FAM193B: variants seen among roughly 807,000 people sequenced by gnomAD.
FAM193B encodes protein FAM193B.
FAM193B carries 27 observed loss-of-function variants against 70.7 expected under a neutral mutation model. That is an observed-to-expected ratio of 0.38 (90% CI 0.28 to 0.53). FAM193B has a LOEUF of 0.53. FAM193B is among the 20% of genes least tolerant of loss of function. The pLI, the probability that FAM193B is intolerant of heterozygous loss-of-function variation, is 0.81. For missense variants in FAM193B, 1,022 were observed against 1,072.5 expected (o/e 0.95, Z 0.66); for synonymous variants, 448 against 436.0 (o/e 1.03, Z -0.34).
intron 8 of FAM193B, among the ~76,000 whole-genome samples, chr5:177,520,773 G>T (rs1161367637): frequency 1.3e-5 from 2 of 152,186 alleles, no homozygotes; most frequent in Non-Finnish European, 2.9e-5. Flanking sequence ...GAAGAGGCAG[G>T]AGGCCACCTT....
Position 177,538,613 on chromosome 5 carries a change from A to G in FAM193B, c.453+292T>C, listed in dbSNP as rs1244890386. On this transcript the variant is annotated intron_variant, in intron 2 of 8. Coordinates refer to ENST00000514747, the MANE Select transcript of FAM193B (RefSeq NM_001190946.3). The surrounding 1 kb of genome is among the most constrained non-coding windows in gnomAD (Gnocchi z 4.1). The stretch of plus-strand genomic sequence containing the variant: ...TCCCATGTCATACTGGTTGGCTTTC[A>G]AGCTGCCACAGAGCCGAAGGCAGCA... Among the ~76,000 whole-genome samples, 12 of 152,212 alleles carry G rather than the reference A, an allele frequency of 7.9e-5. No homozygotes were observed. In the East Asian group the frequency reaches 1.3e-3, roughly 17 times the overall value.
At chr5:177,525,286 C>A in intron 5 of FAM193B, 81 bp from the exon 6 acceptor site, 1 of 1,295,482 alleles carries the variant, frequency 7.7e-7, no homozygotes, top group South Asian at 2.2e-5. Context: ...AGCCTGGGGC[C>A]CAGCTTTGCC....
Position 177,538,241 on chromosome 5 carries a change from A to C in FAM193B, c.454-134T>G. 1.1e-6 allele frequency: 1 copy of C among 873,464 alleles called. No homozygotes were observed. Among genetic ancestry groups the C allele is most frequent in the East Asian group, 2.8e-5 (1 of 36,182 alleles). The allele number at this position is 873,464 out of a possible 1,614,324, so 54.1% of individuals were successfully genotyped here. A position where few individuals can be genotyped will look rare whatever the true frequency, so the allele number is the denominator to read the frequency against. ...CCATAGCAAAAACACAATTAATACA[A>C]CTCCAGCTATAAGAACAAATGAGGG... On this transcript the variant is annotated intron_variant, in intron 2 of 8. Transcript: ENST00000514747. The surrounding 1 kb of genome is among the most constrained non-coding windows in gnomAD (Gnocchi z 4.1).
In FAM193B at chr5:177,539,879, T is replaced by C. The variant is rs549107312; in HGVS notation, c.211-732A>G. 2.0e-5 allele frequency among the ~76,000 whole-genome samples: 3 copies of C among 152,322 alleles called. No homozygotes were observed. The South Asian group carries it at 6.2e-4, about 32-fold the overall frequency. Reference sequence around the variant, plus strand: ...ACTTCTCTGGGCTCCAATTCCTACCTACCTTGCAGAGTTGTTGTAAGGATC... The same window carrying C: ...ACTTCTCTGGGCTCCAATTCCTACCCACCTTGCAGAGTTGTTGTAAGGATC... On this transcript the variant is annotated intron_variant, in intron 1 of 8. Transcript: ENST00000514747.
intron 1 of FAM193B, among the ~76,000 whole-genome samples, chr5:177,552,722 T>C (rs575281463): frequency 6.6e-6 from 1 of 152,324 alleles, no homozygotes; most frequent in South Asian, 2.1e-4. Context: ...GGGAGTCTCC[T>C]ACGGAAGTGT....
At chr5:177,550,228 T>C (rs922141285) in intron 1 of FAM193B, among the ~76,000 whole-genome samples, 2 of 152,070 alleles carry the variant, frequency 1.3e-5, no homozygotes, top group African/African-American at 4.8e-5. Flanking sequence ...ATATAGTGAG[T>C]CTCTACTGGC....
chr5:177,534,068 C>A (rs1019407239), intron 4 of FAM193B, among the ~76,000 whole-genome samples: 1 of 152,212 alleles, frequency 6.6e-6, no homozygotes, highest in African/African-American at 2.4e-5. Flanking sequence ...CAACGCTGGG[C>A]TGAGGCTGAG....
intron 1 of FAM193B, among the ~76,000 whole-genome samples, chr5:177,551,377 G>T (rs1432058233): frequency 3.3e-5 from 5 of 152,140 alleles, no homozygotes; most frequent in African/African-American, 1.2e-4. Flanking sequence ...GATCAATGTG[G>T]TTTAGTGGCC....
At chr5:177,527,630 T>C (rs1449926023) in intron 5 of FAM193B, among the ~76,000 whole-genome samples, 1 of 152,272 alleles carries the variant, frequency 6.6e-6, no homozygotes, top group Non-Finnish European at 1.5e-5. Flanking sequence ...ACTTAGGTTC[T>C]GTTATTCTCA....
Position 177,536,500 on chromosome 5 carries a change from G to A in FAM193B, c.934C>T (p.Leu312=), listed in dbSNP as rs1764186825. The change falls in exon 4 of 9, where the codon CTA becomes TTA. Residue 312 remains leucine, a synonymous_variant. Coordinates refer to ENST00000514747, the MANE Select transcript of FAM193B (RefSeq NM_001190946.3). ...HTPGPCQSSH[L]PSTSMPLLKM... ...AGGAGCGGCATGCTGGTGGAGGGTA[G>A]ATGGGAGCTCTGACATGGCCCTGGA... is the stretch of plus-strand genomic sequence containing the variant. The A allele has an allele frequency of 1.3e-6, 2 of 1,569,088 alleles. No homozygotes were observed. Among genetic ancestry groups the A allele is most frequent in the South Asian group, 2.4e-5 (2 of 84,936 alleles).
chr5:177,553,484 T>G, intron 1 of FAM193B: 2 of 1,108,716 alleles, frequency 1.8e-6, no homozygotes, highest in Non-Finnish European at 2.2e-6. Context: ...CTCAGTGAAC[T>G]TTGGCAGGGT....
chr5:177,554,489 A>ACGCCGCG lies in FAM193B; in HGVS notation c.-32_-31insCGCGGCG. Reference sequence around the variant, plus strand: ...CGCTCGCGCCGCTCCCTCGCTCCACACGCCGCCGCCGCCGCCGCCGCCGCC... The same window carrying ACGCCGCG: ...CGCTCGCGCCGCTCCCTCGCTCCACACGCCGCGCGCCGCCGCCGCCGCCGCCGCCGCC... On this transcript the variant is annotated 5_prime_UTR_variant, in exon 1 of 9. Coordinates refer to ENST00000514747, the MANE Select transcript of FAM193B (RefSeq NM_001190946.3). 1.7e-6 allele frequency: 1 copy of ACGCCGCG among 604,978 alleles called. No homozygotes were observed. The highest frequency in any genetic ancestry group is 2.0e-6 in the Non-Finnish European group (1 of 497,636). The allele number at this position is 604,978 out of a possible 1,614,324, so 37.5% of individuals were successfully genotyped here.
Position 177,524,323 on chromosome 5 carries a change from G to A in FAM193B, c.2158C>T (p.Pro720Ser). Reference sequence around the variant, plus strand: ...TGAGGCCGTGCCTTGGCCTCGCCTGGCCAGTTTCGCCAGGAGCTGCCCTTC... The same window carrying A: ...TGAGGCCGTGCCTTGGCCTCGCCTGACCAGTTTCGCCAGGAGCTGCCCTTC... ...KEKGSSWRNW[P>S]GEAKARPQEQ... The change falls in exon 6 of 9, where the codon CCA becomes TCA. Residue 720 changes from proline to serine, a missense_variant. Transcript: ENST00000514747. 11 of 1,583,356 alleles carry A rather than the reference G, an allele frequency of 6.9e-6. No homozygotes were observed. The highest frequency in any genetic ancestry group is 7.7e-6 in the Non-Finnish European group (9 of 1,164,688).
At chr5:177,546,783 T>C (rs1259813976) in intron 1 of FAM193B, among the ~76,000 whole-genome samples, 1 of 152,182 alleles carries the variant, frequency 6.6e-6, no homozygotes. Flanking sequence ...ACAAGCTCGG[T>C]TGGGAGTGAG....
intron 8 of FAM193B, among the ~76,000 whole-genome samples, chr5:177,521,548 C>G (rs1224137004): frequency 6.6e-6 from 1 of 152,234 alleles, no homozygotes; most frequent in Non-Finnish European, 1.5e-5. Flanking sequence ...ACCTTGGTAG[C>G]CTACACTGAG....
intron 5 of FAM193B, among the ~76,000 whole-genome samples, chr5:177,530,113 C>T (rs1283810932): frequency 1.3e-5 from 2 of 152,094 alleles, no homozygotes; most frequent in East Asian, 3.9e-4. Context: ...TGGGAGTAGG[C>T]AGGTGAAGAG....
chr5:177,548,762 C>T (rs899596838), intron 1 of FAM193B, among the ~76,000 whole-genome samples: 52 of 152,220 alleles, frequency 3.4e-4, no homozygotes, highest in African/African-American at 1.2e-3. Context: ...CTGAGAATTA[C>T]TTCCTCACAT....
chr5:177,554,039 T>C lies in FAM193B; in HGVS notation c.210+210A>G, dbSNP rs554630582. ...GGAGAGGGGAGCAGCTTCAGCCTAG[T>C]CGCAGGAGCGCGGACCGAGCCTCGG... On this transcript the variant is annotated intron_variant, in intron 1 of 8. Coordinates refer to ENST00000514747, the MANE Select transcript of FAM193B (RefSeq NM_001190946.3). 20 of 1,338,834 alleles carry C rather than the reference T, an allele frequency of 1.5e-5. No homozygotes were observed. In the South Asian group the frequency reaches 2.7e-4, roughly 18 times the overall value. The allele number at this position is 1,338,834 out of a possible 1,614,324, so 82.9% of individuals were successfully genotyped here.
At chr5:177,553,737 G>A (rs1345021713) in intron 1 of FAM193B, 2 of 1,287,850 alleles carry the variant, frequency 1.6e-6, no homozygotes, top group South Asian at 1.2e-5. Flanking sequence ...TGCTCCAACT[G>A]CTCTGCTGGG....
Sources: allele counts gnomAD v4.1 joint callset (sites outside exome capture counted in the v4.1 genomes callset), GRCh38; gene constraint gnomAD v4.1.1; non-coding constraint Gnocchi (gnomAD v3.1); transcripts MANE v1.5; gene names NCBI Gene and HGNC (gene_info 2026-07-23, HGNC 2026-07-21).